The following NIPSNAP3B variants were observed in gnomAD, a reference collection of about 807,000 sequenced individuals.
NIPSNAP3B encodes protein NipSnap homolog 3B.
In NIPSNAP3B, 30 loss-of-function variants were observed where a neutral mutation model predicts 31.5. The ratio of observed to expected loss-of-function variants is 0.95; its 90% CI spans 0.71 to 1.29. NIPSNAP3B has a LOEUF of 1.29. Among genes scored for constraint, NIPSNAP3B ranks in the 50% most tolerant of loss-of-function variants. The pLI is 0.00. For missense variants in NIPSNAP3B, 269 were observed against 300.7 expected (o/e 0.89, Z 0.78); for synonymous variants, 106 against 107.9 (o/e 0.98, Z 0.11).
At chr9:104,786,922 C>T in the NIPSNAP3B span, 3 of 1,614,036 alleles carry the variant, frequency 1.9e-6, no homozygotes, top group Non-Finnish European at 1.7e-6. Flanking sequence ...ACACTTAGGG[C>T]ACAATTCCAC....
the NIPSNAP3B span, chr9:104,787,890 C>T: frequency 6.2e-7 from 1 of 1,613,898 alleles, no homozygotes. Flanking sequence ...CAGGCCAGAA[C>T]AACAGTTTTC....
At chr9:104,771,208 T>G in intron 4 of NIPSNAP3B, 1 of 453,398 alleles carries the variant, frequency 2.2e-6, no homozygotes, top group Non-Finnish European at 3.9e-6. Context: ...GCTGAACTGG[T>G]GTTTGTTTTT....
At chr9:104,785,519 G>A in the NIPSNAP3B span, 1 of 1,602,116 alleles carries the variant, frequency 6.2e-7, no homozygotes, top group South Asian at 1.1e-5. Flanking sequence ...ATTGTAGCAT[G>A]TTCCGGTGTT....
At chr9:104,780,553 T>C (rs1779900948), downstream of NIPSNAP3B, among the ~76,000 whole-genome samples, 2 of 152,240 alleles carry the variant, frequency 1.3e-5, no homozygotes, top group Admixed American at 1.3e-4. Flanking sequence ...TGTTTCCATA[T>C]CTACTTCGCC....
the NIPSNAP3B span, chr9:104,785,435 G>A: frequency 2.5e-6 from 4 of 1,614,124 alleles, no homozygotes; most frequent in Non-Finnish European, 3.4e-6. Context: ...AGTCTTCTAT[G>A]TGGAGTCGCT....
intron 2 of NIPSNAP3B, among the ~76,000 whole-genome samples, chr9:104,767,724 G>T (rs547567910): frequency 5.9e-5 from 9 of 152,212 alleles, no homozygotes; most frequent in Admixed American, 5.9e-4. Context: ...TGTGCGTTAG[G>T]TGAGCCACAA....
At position 104,775,951 on chromosome 9, in the gene NIPSNAP3B, T is replaced by C. The variant is rs1033919931; in HGVS notation, c.*2878T>C. Among the ~76,000 whole-genome samples, 1 of 152,216 alleles carries C rather than the reference T, an allele frequency of 6.6e-6. No individual in the cohort carries two copies. Among genetic ancestry groups the C allele is most frequent in the Non-Finnish European group, 1.5e-5 (1 of 68,024 alleles). On this transcript the variant is annotated 3_prime_UTR_variant, in exon 6 of 6. Coordinates refer to ENST00000374762, the MANE Select transcript of NIPSNAP3B (RefSeq NM_018376.4). The stretch of plus-strand genomic sequence containing the variant: ...CATCATCATCTGGATTTTTGGGAAG[T>C]GGTCTTAACTGGTGTGCTGCCCTTC...
the NIPSNAP3B span, chr9:104,788,625 C>G: frequency 6.3e-7 from 1 of 1,587,246 alleles, no homozygotes. Flanking sequence ...TCTGGTTAGA[C>G]AATCTGGCCT....
Position 104,770,917 on chromosome 9 carries a change from A to G in NIPSNAP3B, c.499A>G (p.Arg167Gly), listed in dbSNP as rs1828200734. 5 of 1,613,986 alleles carry G rather than the reference A, an allele frequency of 3.1e-6. No homozygotes were observed. Among genetic ancestry groups the G allele is most frequent in the South Asian group, 1.1e-5 (1 of 91,074 alleles). Reference sequence around the variant, plus strand: ...AGCTCTGTGGGGTGATGCATTTGAAAGAGCAATTAATGCCCATGTCAATTT... The same window carrying G: ...AGCTCTGTGGGGTGATGCATTTGAAGGAGCAATTAATGCCCATGTCAATTT... ...GPALWGDAFE[R>G]AINAHVNLGY... The change falls in exon 4 of 6, where the codon AGA becomes GGA. Residue 167 changes from arginine to glycine, a missense_variant. By Grantham distance (125) the Arg-to-Gly change is moderately radical. Coordinates refer to ENST00000374762, the MANE Select transcript of NIPSNAP3B (RefSeq NM_018376.4).
chr9:104,780,058 C>T (rs1363282385), downstream of NIPSNAP3B, among the ~76,000 whole-genome samples: 1 of 152,064 alleles, frequency 6.6e-6, no homozygotes, highest in Non-Finnish European at 1.5e-5. Flanking sequence ...AAAAACAAAA[C>T]CTCATGGGTA....
intron 1 of NIPSNAP3B, among the ~76,000 whole-genome samples, chr9:104,764,892 C>T (rs1000654458): frequency 6.6e-6 from 1 of 152,152 alleles, no homozygotes; most frequent in African/African-American, 2.4e-5. Context: ...CCGGGACACC[C>T]CCGTGGCGCC....
chr9:104,765,493 C>T (rs868675802), intron 1 of NIPSNAP3B, among the ~76,000 whole-genome samples: 3 of 152,166 alleles, frequency 2.0e-5, no homozygotes, highest in African/African-American at 4.8e-5. Context: ...ATTAAGCTCA[C>T]TCAGGCTCAG....
At chr9:104,786,261 T>C in the NIPSNAP3B span, 2 of 1,503,534 alleles carry the variant, frequency 1.3e-6, no homozygotes, top group Non-Finnish European at 1.9e-6. Context: ...TCAAGCCTTC[T>C]CACTAGGCAC....
At position 104,766,411 on chromosome 9, in the gene NIPSNAP3B, G is replaced by T; in HGVS notation, c.147G>T (p.Met49Ile). ...FRTYYLKPSN[M>I]NAFMENLKKN... ...CTTATTACCTTAAACCTTCAAATAT[G>T]AATGCGTTCATGGAAAATCTTAAGA... is the stretch of plus-strand genomic sequence containing the variant. Residue 49 changes from methionine to isoleucine, a missense_variant, in exon 2 of 6, where the codon ATG becomes ATT. Coordinates refer to ENST00000374762, the MANE Select transcript of NIPSNAP3B (RefSeq NM_018376.4). 6.2e-7 allele frequency: 1 copy of T among 1,613,708 alleles called. No individual in the cohort carries two copies. Among genetic ancestry groups the T allele is most frequent in the Admixed American group, 1.7e-5 (1 of 60,014 alleles).
chr9:104,780,349 C>A (rs115999635), downstream of NIPSNAP3B, among the ~76,000 whole-genome samples: 101 of 152,282 alleles, frequency 6.6e-4, no homozygotes, highest in African/African-American at 2.4e-3. Context: ...ATAGAGACAG[C>A]CTCTTGTACT....
chr9:104,785,890 G>C, the NIPSNAP3B span, among the ~76,000 whole-genome samples: 125 of 152,328 alleles, frequency 8.2e-4, 2 homozygotes, highest in South Asian at 0.02. Context: ...AGATGTTACA[G>C]AGAAACTGAG....
chr9:104,765,904 C>G (rs568314676), intron 1 of NIPSNAP3B, among the ~76,000 whole-genome samples: 133 of 152,226 alleles, frequency 8.7e-4, no homozygotes, highest in African/African-American at 3.2e-3. Flanking sequence ...TGCCAAAAGG[C>G]ATGTGTACTT....
chr9:104,766,640 A>T (rs1373542053), intron 2 of NIPSNAP3B, 105 bp downstream of exon 2: 9 of 1,134,256 alleles, frequency 7.9e-6, no homozygotes, highest in Non-Finnish European at 6.4e-6. Flanking sequence ...CATACAGGTT[A>T]AGTAAGACTT....
chr9:104,776,843 C>T lies in NIPSNAP3B; in HGVS notation c.*3770C>T, dbSNP rs1382331073. Reference sequence around the variant, plus strand: ...TTACCTGTGCCTGGCATGTGATAAGCCCTAAGTACTTGTTGACTGAATTAA... The same window carrying T: ...TTACCTGTGCCTGGCATGTGATAAGTCCTAAGTACTTGTTGACTGAATTAA... On this transcript the variant is annotated 3_prime_UTR_variant, in exon 6 of 6. Transcript: ENST00000374762. Among the ~76,000 whole-genome samples the T allele has an allele frequency of 1.8e-4, 27 of 152,114 alleles. No individual in the cohort carries two copies. Among genetic ancestry groups the T allele is most frequent in the Admixed American group, 1.8e-3 (27 of 15,266 alleles).
Sources: gnomAD v4.1 joint callset for allele counts (sites outside exome capture counted in the v4.1 genomes callset) on GRCh38, gnomAD v4.1.1 for gene constraint, MANE v1.5 for transcripts, NCBI Gene and HGNC (gene_info 2026-07-23, HGNC 2026-07-21) for gene names.